COL6A3: variants seen among roughly 807,000 people sequenced by gnomAD.
COL6A3 encodes collagen alpha-3(VI) chain.
In COL6A3, 137 loss-of-function variants were observed where a neutral mutation model predicts 274.1. That is an observed-to-expected ratio of 0.50 (90% CI 0.44 to 0.58). The LOEUF (loss-of-function observed/expected upper bound fraction) is 0.58. Ranked by LOEUF, COL6A3 falls within the 20% of genes least tolerant of loss-of-function variation. The pLI, the probability that COL6A3 is intolerant of heterozygous loss-of-function variation, is 0.00. For synonymous variants in COL6A3, 1,650 were observed against 1,650.6 expected (o/e 1.00, Z 0.01); for missense variants, 3,950 against 4,124.9 (o/e 0.96, Z 1.16).
At chr2:237,357,448 T>C in intron 22 of COL6A3, 57 bp from the exon 23 acceptor site, 1 of 1,461,206 alleles carries the variant, frequency 6.8e-7, no homozygotes, top group Non-Finnish European at 9.6e-7. Context: ...TGTCTAGCTC[T>C]GAAATGCTGC....
Position 237,340,511 on chromosome 2 carries a change from G to A in COL6A3, c.8405C>T (p.Thr2802Ile). 6.2e-7 allele frequency: 1 copy of A among 1,614,154 alleles called. No homozygotes were observed. The highest frequency in any genetic ancestry group is 8.5e-7 in the Non-Finnish European group (1 of 1,180,034). Reference protein sequence around the residue: ...DVFFKLVDKSTELNEEPLMRF... With the variant: ...DVFFKLVDKSIELNEEPLMRF... ...CATCAAAGGCTCCTCGTTGAGCTCG[G>A]TGGACTTGTCCACTAATTTGAAGAA... The change falls in exon 38 of 44, where the codon ACC (threonine) becomes ATC (isoleucine). Residue 2802 changes from threonine (T) to isoleucine (I), a missense_variant. Transcript: ENST00000295550.
At chr2:237,324,889 C>T in intron 43 of COL6A3, 75 bp from the exon 44 acceptor site, 1 of 1,461,648 alleles carries the variant, frequency 6.8e-7, no homozygotes, top group Non-Finnish European at 9.5e-7. Flanking sequence ...CATTACTGAC[C>T]CAAAAGGGCA....
rs762950440 is a variant in COL6A3, at chr2:237,361,763, C to A, written c.6132G>T (p.Gly2044=). The change falls in exon 15 of 44, where the codon GGG becomes GGT. Residue 2044 remains glycine (G), a synonymous_variant. Coordinates refer to ENST00000295550, the MANE Select transcript of COL6A3 (RefSeq NM_004369.4). The surrounding 1 kb of genome is among the most constrained non-coding windows in gnomAD (Gnocchi z 5.1). ...CCTTTGGCCCGATGCTGCCGATGGG[C>A]CCGCGGTCTCCCCTCTGCCCAGAGC... ...CKCSGQRGDR[G]PIGSIGPKGI... 8.4e-5 allele frequency: 136 copies of A among 1,614,080 alleles called. No individual in the cohort carries two copies. Among genetic ancestry groups the A allele is most frequent in the Non-Finnish European group, 1.1e-4 (124 of 1,180,048 alleles).
chr2:237,348,080 T>C (rs945398353), intron 30 of COL6A3, among the ~76,000 whole-genome samples: 2 of 152,230 alleles, frequency 1.3e-5, no homozygotes, highest in Non-Finnish European at 2.9e-5. Context: ...GATACTATCA[T>C]GTAGGTTATA....
rs117345850 is a variant in COL6A3, at chr2:237,368,554, G to T, written c.4900+9C>A. The T allele has an allele frequency of 2.6e-5, 42 of 1,613,802 alleles. No individual in the cohort carries two copies. Among genetic ancestry groups the T allele is most frequent in the Non-Finnish European group, 3.3e-5 (39 of 1,179,776 alleles). ...CACACTCTGTAGTCATGGGTCACAC[G>T]GTGCATACCTGGCCGTGAAGGAGGA... is the stretch of plus-strand genomic sequence containing the variant. On this transcript the variant is annotated intron_variant, in intron 10 of 43. Coordinates refer to ENST00000295550, the MANE Select transcript of COL6A3 (RefSeq NM_004369.4). The surrounding 1 kb of genome is among the most constrained non-coding windows in gnomAD (Gnocchi z 4.4).
chr2:237,353,852 G>A (rs995270771), intron 24 of COL6A3, among the ~76,000 whole-genome samples: 3 of 152,064 alleles, frequency 2.0e-5, no homozygotes, highest in Admixed American at 6.6e-5. Context: ...TTAAGGAGAC[G>A]GCTGACAGAG....
At position 237,374,143 on chromosome 2, in the gene COL6A3, G is replaced by A. The variant is rs995005939; in HGVS notation, c.3679+269C>T. 1.3e-5 allele frequency among the ~76,000 whole-genome samples: 2 copies of A among 152,206 alleles called. No individual in the cohort carries two copies. Among genetic ancestry groups the A allele is most frequent in the African/African-American group, 4.8e-5 (2 of 41,456 alleles). ...ACAGAAGCTTTCATGCAAAGTTAAG[G>A]AGTCCTGAATTCCAAGCTGCACATA... is the stretch of plus-strand genomic sequence containing the variant. On this transcript the variant is annotated intron_variant, in intron 8 of 43. Coordinates refer to ENST00000295550, the MANE Select transcript of COL6A3 (RefSeq NM_004369.4). This position sits in a 1 kb window ranked among gnomAD's most constrained non-coding sequence, Gnocchi z 4.8.
chr2:237,400,114 T>C (rs1471613501), intron 1 of COL6A3, among the ~76,000 whole-genome samples: 1 of 152,220 alleles, frequency 6.6e-6, no homozygotes, highest in Non-Finnish European at 1.5e-5. Flanking sequence ...CTGAAATACA[T>C]ATAATCTAGG....
Position 237,376,875 on chromosome 2 carries a change from A to C in COL6A3, c.2967T>G (p.Ser989=), listed in dbSNP as rs753150453. Reference sequence around the variant, plus strand: ...ACTCTGCAGCCAGGATAAACGCTGGAGACAGCACGATCTGCTCTAACTCAG... The same window carrying C: ...ACTCTGCAGCCAGGATAAACGCTGGCGACAGCACGATCTGCTCTAACTCAG... The part of the protein sequence containing the change: ...DPAELEQIVL[S]PAFILAAESL... The change falls in exon 7 of 44, where the codon TCT becomes TCG. Residue 989 remains serine (S), a synonymous_variant. Transcript: ENST00000295550. 3.7e-6 allele frequency: 6 copies of C among 1,614,222 alleles called. No individual in the cohort carries two copies. Among genetic ancestry groups the C allele is most frequent in the Non-Finnish European group, 3.4e-6 (4 of 1,180,042 alleles).
intron 24 of COL6A3, 131 bp from the exon 25 acceptor site, chr2:237,353,534 C>T: frequency 1.3e-6 from 1 of 771,074 alleles, no homozygotes; most frequent in Admixed American, 2.0e-5. Context: ...CCAGAGGTAA[C>T]AGATGATCAA....
At chr2:237,342,852 C>T (rs1439257469) in intron 36 of COL6A3, 1 of 153,768 alleles carries the variant, frequency 6.5e-6, no homozygotes, top group African/African-American at 2.4e-5. Context: ...ACACTGAATT[C>T]CCAAGCCCAG....
chr2:237,365,405 A>C (rs531754969), intron 12 of COL6A3, among the ~76,000 whole-genome samples: 1 of 152,238 alleles, frequency 6.6e-6, no homozygotes, highest in East Asian at 1.9e-4. Context: ...CAGAGAAATG[A>C]AAGTGGAGAA....
intron 42 of COL6A3, among the ~76,000 whole-genome samples, chr2:237,331,682 T>C (rs1700232656): frequency 6.6e-6 from 1 of 151,690 alleles, no homozygotes; most frequent in South Asian, 2.1e-4. Flanking sequence ...TCATTAAGTT[T>C]AAGAGATCAG....
intron 8 of COL6A3, among the ~76,000 whole-genome samples, chr2:237,373,230 TGTGACAATATTCCCAAA>T (rs2077739663): frequency 6.6e-6 from 1 of 152,176 alleles, no homozygotes; most frequent in Non-Finnish European, 1.5e-5. Flanking sequence ...GCACCCGCAC[TGTGACAATATTCCCAAA>T]GTCCATCCTC....
chr2:237,398,644 CAT>C (rs2078512387), intron 1 of COL6A3, among the ~76,000 whole-genome samples: 2 of 152,208 alleles, frequency 1.3e-5, no homozygotes, highest in African/African-American at 2.4e-5. Flanking sequence ...TGAAGGGCCC[CAT>C]GCTCAGTTTG....
intron 24 of COL6A3, among the ~76,000 whole-genome samples, chr2:237,354,168 C>G (rs532751596): frequency 6.6e-6 from 1 of 152,070 alleles, no homozygotes; most frequent in South Asian, 2.1e-4. Flanking sequence ...TACAAGCATG[C>G]ACCACCACGC....
At position 237,368,639 on chromosome 2, in the gene COL6A3, T is replaced by C. The variant is rs921587429; in HGVS notation, c.4824A>G (p.Arg1608=). The change falls in exon 10 of 44, where the codon AGA becomes AGG. Residue 1608 remains arginine (R), a synonymous_variant. Coordinates refer to ENST00000295550, the MANE Select transcript of COL6A3 (RefSeq NM_004369.4). The surrounding 1 kb of genome is among the most constrained non-coding windows in gnomAD (Gnocchi z 4.4). ...EFRELPNIEE[R]IMNSFGPSAA... The stretch of plus-strand genomic sequence containing the variant: ...CGGAGGGTCCAAACGAGTTCATGAT[T>C]CTTTCTTCTATGTTGGGAAGCTCTC... 1.5e-5 allele frequency: 25 copies of C among 1,613,990 alleles called. No individual in the cohort carries two copies. Among genetic ancestry groups the C allele is most frequent in the African/African-American group, 2.7e-5 (2 of 74,900 alleles).
chr2:237,374,005 G>C lies in COL6A3; in HGVS notation c.3679+407C>G, dbSNP rs967226356. ...ATGTCCCAGCTTGCAGAGTGTCCCT[G>C]GTCAGACTCCTTCCTGCCTCACAGA... On this transcript the variant is annotated intron_variant, in intron 8 of 43. Coordinates refer to ENST00000295550, the MANE Select transcript of COL6A3 (RefSeq NM_004369.4). The surrounding 1 kb of genome is among the most constrained non-coding windows in gnomAD (Gnocchi z 4.8). Among the ~76,000 whole-genome samples the C allele has an allele frequency of 1.3e-5, 2 of 152,170 alleles. No homozygotes were observed. Among genetic ancestry groups the C allele is most frequent in the Admixed American group, 6.5e-5 (1 of 15,282 alleles).
chr2:237,388,150 A>G lies in COL6A3; in HGVS notation c.744T>C (p.Asp248=). The change falls in exon 4 of 44, where the codon GAT becomes GAC. Residue 248 remains aspartate, a synonymous_variant. Transcript: ENST00000295550. ...TGACACTTCCGGTGTTGTTTGATCC[A>G]TCAATAAGGAAAATAATGTCAGCAG... ...QDSADIIFLI[D]GSNNTGSVNF... 1 of 1,614,174 alleles carries G rather than the reference A, an allele frequency of 6.2e-7. No homozygotes were observed. The highest frequency in any genetic ancestry group is 1.6e-4 in the Middle Eastern group (1 of 6,062).
Sources: gnomAD v4.1 joint callset for allele counts (sites outside exome capture counted in the v4.1 genomes callset) on GRCh38, gnomAD v4.1.1 for gene constraint, Gnocchi (gnomAD v3.1) non-coding constraint, MANE v1.5 for transcripts, NCBI Gene and HGNC (gene_info 2026-07-23, HGNC 2026-07-21) for gene names.